The following LAMTOR5 variants were observed in gnomAD, a reference collection of about 807,000 sequenced individuals.
The protein encoded by LAMTOR5 is ragulator complex protein LAMTOR5.
A neutral mutation model predicts 12.1 loss-of-function variants in LAMTOR5; 8 were observed. That is an observed-to-expected ratio of 0.66 (90% CI 0.39 to 1.19). LAMTOR5 has a LOEUF of 1.19. LAMTOR5 is among the 50% of genes most tolerant of loss of function. The probability of loss-of-function intolerance (pLI) is 0.01; values close to 1 mark genes in which losing one functional copy is unlikely to be tolerated. For missense variants in LAMTOR5, 110 were observed against 112.8 expected (o/e 0.97, Z 0.11); for synonymous variants, 37 against 41.9 (o/e 0.88, Z 0.45).
intron 3 of LAMTOR5, 89 bp downstream of exon 3, chr1:110,403,830 A>C: frequency 1.6e-5 from 24 of 1,535,314 alleles, no homozygotes; most frequent in Non-Finnish European, 2.1e-5. Context: ...CTGAATAAGG[A>C]ATCACTGATG....
rs1359349830 is a variant in LAMTOR5 at position 110,406,305 on chromosome 1, G to T, written c.97+13C>A. On this transcript the variant is annotated intron_variant, in intron 2 of 3. Coordinates refer to ENST00000602318, the MANE Select transcript of LAMTOR5 (RefSeq NM_001382293.1). ...ATGCAATTCATCAAATAGTTGGTAT[G>T]AGAGATACTTACAACCCAGATTAAG... The T allele has an allele frequency of 1.3e-6, 2 of 1,573,752 alleles. No homozygotes were observed. The highest frequency in any genetic ancestry group is 1.7e-6 in the Non-Finnish European group (2 of 1,150,834).
chr1:110,406,041 T>G (rs1297944295), intron 2 of LAMTOR5, among the ~76,000 whole-genome samples: 1 of 152,222 alleles, frequency 6.6e-6, no homozygotes, highest in Admixed American at 6.5e-5. Context: ...TTATCTGAAG[T>G]CCTTTCTAGA....
chr1:110,403,666 C>A, intron 3 of LAMTOR5: 1 of 368,040 alleles, frequency 2.7e-6, no homozygotes, highest in Admixed American at 4.5e-5. Context: ...TTCCTTTGTG[C>A]TATTTGTTAC....
upstream of LAMTOR5, chr1:110,407,751 G>A: frequency 6.2e-7 from 1 of 1,614,192 alleles, no homozygotes; most frequent in Non-Finnish European, 8.5e-7. Flanking sequence ...ATTGATCACG[G>A]TGCAACGTCC....
At chr1:110,404,816 G>A (rs766236907) in intron 2 of LAMTOR5, among the ~76,000 whole-genome samples, 4 of 152,122 alleles carry the variant, frequency 2.6e-5, no homozygotes, top group Non-Finnish European at 5.9e-5. Flanking sequence ...GGGAGGCGGA[G>A]GTGGGTGGAT....
chr1:110,407,518 G>C, intron 1 of LAMTOR5, 68 bp downstream of exon 1: 1 of 1,554,584 alleles, frequency 6.4e-7, no homozygotes, highest in Non-Finnish European at 8.7e-7. Context: ...CGCAGCTCGC[G>C]CCTTTCGTTC....
In LAMTOR5 at chr1:110,406,475, A is replaced by C. The variant is rs953971333; in HGVS notation, c.36-96T>G. ...CAGGTGTTCTATGTACCAGGCATTAAGTGCTTTAAATCAATATTTCTCAAT... is the reference window on the plus strand; with the variant it reads ...CAGGTGTTCTATGTACCAGGCATTACGTGCTTTAAATCAATATTTCTCAAT... On this transcript the variant is annotated intron_variant, in intron 1 of 3. Transcript: ENST00000602318. The C allele has an allele frequency of 1.8e-5, 14 of 766,078 alleles. 1 individual carries two copies. The African/African-American group carries it at 2.2e-4, about 12-fold the overall frequency. 47.5% of individuals were successfully genotyped at this position (766,078 alleles called of 1,614,324 possible).
rs765192580 is a variant in LAMTOR5 at position 110,401,526 on chromosome 1, A to G, written c.273T>C (p.Ser91=). The change falls in exon 4 of 4, where the codon TCT becomes TCC. Residue 91 remains serine, a synonymous_variant. Coordinates refer to ENST00000602318, the MANE Select transcript of LAMTOR5 (RefSeq NM_001382293.1). ...TGCTGAAGAACAGATATGAGCATCA[A>G]GAGGCCATTTTGTGCACTGCCACCG... ...GITVAVHKMA[S] is the part of the protein sequence containing the mutation. 2.5e-6 allele frequency: 4 copies of G among 1,606,490 alleles called. No individual in the cohort carries two copies. The highest frequency in any genetic ancestry group is 4.5e-5 in the East Asian group (2 of 44,592).
rs1663326783 is a variant in LAMTOR5, at chr1:110,406,302, T to C, written c.97+16A>G. 1.3e-6 allele frequency: 2 copies of C among 1,557,966 alleles called. No homozygotes were observed. The highest frequency in any genetic ancestry group is 1.8e-6 in the Non-Finnish European group (2 of 1,139,306). On this transcript the variant is annotated intron_variant, in intron 2 of 3. Transcript: ENST00000602318. Reference sequence around the variant, plus strand: ...GCTATGCAATTCATCAAATAGTTGGTATGAGAGATACTTACAACCCAGATT... The same window carrying C: ...GCTATGCAATTCATCAAATAGTTGGCATGAGAGATACTTACAACCCAGATT...
rs1442849166 is a variant in LAMTOR5, at chr1:110,407,158, T to G, written c.35+428A>C. 8.2e-6 allele frequency: 5 copies of G among 612,022 alleles called. No homozygotes were observed. The Admixed American group carries it at 1.1e-4, about 13-fold the overall frequency. The allele number at this position is 612,022 out of a possible 1,614,324, so 37.9% of individuals were successfully genotyped here. A position where few individuals can be genotyped will look rare whatever the true frequency, so the allele number is the denominator to read the frequency against. ...TTGTTCGAAAAATTTAAAGAATGATTTTTATCTACTTAAGCACCAAGTAAC... is the reference window on the plus strand; with the variant it reads ...TTGTTCGAAAAATTTAAAGAATGATGTTTATCTACTTAAGCACCAAGTAAC... On this transcript the variant is annotated intron_variant, in intron 1 of 3. Coordinates refer to ENST00000602318, the MANE Select transcript of LAMTOR5 (RefSeq NM_001382293.1).
chr1:110,406,447 A>T, intron 1 of LAMTOR5, 68 bp from the exon 2 acceptor site: 1 of 1,087,770 alleles, frequency 9.2e-7, no homozygotes, highest in South Asian at 1.3e-5. Context: ...AAGTACAAAC[A>T]TACAGGTGTT....
rs980229980 is a variant in LAMTOR5 at position 110,401,394 on chromosome 1, T to C, written c.*129A>G. The C allele has an allele frequency of 1.1e-6, 1 of 904,028 alleles. No homozygotes were observed. Among genetic ancestry groups the C allele is most frequent in the East Asian group, 2.7e-5 (1 of 37,558 alleles). 56.0% of individuals were successfully genotyped at this position (904,028 alleles called of 1,614,324 possible). On this transcript the variant is annotated 3_prime_UTR_variant, in exon 4 of 4. Transcript: ENST00000602318. The stretch of plus-strand genomic sequence containing the variant: ...CATTAGAAAGCAATTGACTCTTAAA[T>C]AAACAGAAAAGTGCCTAATGCACAT...
chr1:110,407,152 A>T (rs750459626), intron 1 of LAMTOR5: 6 of 614,112 alleles, frequency 9.8e-6, no homozygotes, highest in Non-Finnish European at 1.8e-5. Context: ...AAATTTAAAG[A>T]ATGATTTTTA....
intron 2 of LAMTOR5, among the ~76,000 whole-genome samples, chr1:110,405,809 C>T (rs144349482): frequency 1.3e-5 from 2 of 152,286 alleles, no homozygotes; most frequent in Non-Finnish European, 1.5e-5. Context: ...TTTTGGTCCA[C>T]GTTCACACTA....
Position 110,404,054 on chromosome 1 carries a change from T to C in LAMTOR5, c.98-18A>G, listed in dbSNP as rs1663281294. On this transcript the variant is annotated intron_variant, in intron 2 of 3. Coordinates refer to ENST00000602318, the MANE Select transcript of LAMTOR5 (RefSeq NM_001382293.1). Reference sequence around the variant, plus strand: ...CCCGCGGCCTGGAAAATAGAGATGATATATGTCACCTGATTGCTCATAGAG... The same window carrying C: ...CCCGCGGCCTGGAAAATAGAGATGACATATGTCACCTGATTGCTCATAGAG... 6.2e-7 allele frequency: 1 copy of C among 1,612,638 alleles called. No individual in the cohort carries two copies. The highest frequency in any genetic ancestry group is 2.2e-5 in the East Asian group (1 of 44,880).
intron 3 of LAMTOR5, among the ~76,000 whole-genome samples, chr1:110,402,199 C>T (rs554180484): frequency 2.0e-5 from 3 of 152,240 alleles, no homozygotes; most frequent in Admixed American, 6.5e-5. Flanking sequence ...ATGTACAGTA[C>T]GTAACGCTTG....
Position 110,401,534 on chromosome 1 carries a change from T to A in LAMTOR5, c.265A>T (p.Met89Leu). The change falls in exon 4 of 4, where the codon ATG becomes TTG. Residue 89 changes from methionine to leucine, a missense_variant. By Grantham distance (15) the Met-to-Leu change is conservative. Coordinates refer to ENST00000602318, the MANE Select transcript of LAMTOR5 (RefSeq NM_001382293.1). ...AACAGATATGAGCATCAAGAGGCCA[T>A]TTTGTGCACTGCCACCGTGATGCCA... ...HDGITVAVHK[M>L]AS The A allele has an allele frequency of 6.2e-7, 1 of 1,607,610 alleles. No homozygotes were observed. The highest frequency in any genetic ancestry group is 8.5e-7 in the Non-Finnish European group (1 of 1,174,658).
At position 110,403,852 on chromosome 1, in the gene LAMTOR5, G is replaced by C. The variant is rs1285954689; in HGVS notation, c.215+67C>G. The C allele has an allele frequency of 1.9e-5, 30 of 1,592,684 alleles. No homozygotes were observed. In the Admixed American group the frequency reaches 4.8e-4, roughly 26 times the overall value. ...AGGAATCACTGATGAACACAGGGCC[G>C]GCCCCCGCCAATTTTACCAGGAATT... On this transcript the variant is annotated intron_variant, in intron 3 of 3. Coordinates refer to ENST00000602318, the MANE Select transcript of LAMTOR5 (RefSeq NM_001382293.1).
intron 3 of LAMTOR5, among the ~76,000 whole-genome samples, chr1:110,403,242 A>G (rs753144192): frequency 6.6e-5 from 10 of 152,084 alleles, no homozygotes; most frequent in Non-Finnish European, 1.3e-4. Context: ...TAGCAGTTGT[A>G]TATATATACT....
Sources: allele counts gnomAD v4.1 joint callset (sites outside exome capture counted in the v4.1 genomes callset), GRCh38; gene constraint gnomAD v4.1.1; transcripts MANE v1.5; gene names NCBI Gene and HGNC (gene_info 2026-07-23, HGNC 2026-07-21).